The following STK39 variants were observed in gnomAD, a reference collection of about 807,000 sequenced individuals.
The protein encoded by STK39 is serine/threonine kinase 39, also known as STE20/SPS1-related proline-alanine-rich protein kinase.
In STK39, 20 loss-of-function variants were observed where a neutral mutation model predicts 77.8. That is an observed-to-expected ratio of 0.26 (90% confidence interval 0.18 to 0.37). STK39 has a LOEUF of 0.37. Among genes scored for constraint, STK39 ranks in the 10% least tolerant of loss-of-function variants. The pLI is 1.00. For synonymous variants in STK39, 246 were observed against 234.1 expected, an observed-to-expected ratio of 1.05 and a Z score of -0.47; for missense variants, 479 against 656.5, an observed-to-expected ratio of 0.73 and a Z score of 2.95.
chr2:168,236,017 G>C (rs1574582207), intron 1 of STK39, among the ~76,000 whole-genome samples: 1 of 151,984 alleles, frequency 6.6e-6, no homozygotes, highest in East Asian at 1.9e-4. Flanking sequence ...CTAGATCCCT[G>C]AGGAATCGCC....
At chr2:168,177,863 T>C (rs1688991893) in intron 2 of STK39, among the ~76,000 whole-genome samples, 1 of 152,172 alleles carries the variant, frequency 6.6e-6, no homozygotes, top group South Asian at 2.1e-4. Context: ...AGGGAATACA[T>C]ATTAGACAAA....
intron 1 of STK39, among the ~76,000 whole-genome samples, chr2:168,203,466 A>C (rs1418886695): frequency 6.6e-6 from 1 of 152,212 alleles, no homozygotes; most frequent in African/African-American, 2.4e-5. Context: ...AAAGAAAAAA[A>C]AAACAGGATC....
At chr2:168,178,954 C>T (rs375600801) in intron 2 of STK39, among the ~76,000 whole-genome samples, 7 of 152,112 alleles carry the variant, frequency 4.6e-5, no homozygotes, top group South Asian at 2.1e-4. Flanking sequence ...GGGGACAGGA[C>T]GGGGATAGGT....
At chr2:168,073,016 C>T (rs752590035) in intron 12 of STK39, among the ~76,000 whole-genome samples, 2 of 152,174 alleles carry the variant, frequency 1.3e-5, no homozygotes, top group Non-Finnish European at 2.9e-5. Flanking sequence ...AATTATAAAT[C>T]AATATGTTAA....
chr2:168,005,743 G>A (rs1025480253), intron 16 of STK39, among the ~76,000 whole-genome samples: 1 of 152,162 alleles, frequency 6.6e-6, no homozygotes, highest in Non-Finnish European at 1.5e-5. Flanking sequence ...TTCTAGACAA[G>A]GAAAAGCTGT....
At chr2:168,015,903 T>C (rs1052326097) in intron 15 of STK39, among the ~76,000 whole-genome samples, 4 of 152,122 alleles carry the variant, frequency 2.6e-5, no homozygotes, top group Admixed American at 2.6e-4. Flanking sequence ...GAAAGAAAGA[T>C]CAATTAGCAA....
At chr2:167,984,139 G>A (rs964945034) in intron 16 of STK39, among the ~76,000 whole-genome samples, 2 of 152,162 alleles carry the variant, frequency 1.3e-5, no homozygotes, top group Admixed American at 6.5e-5. Flanking sequence ...GTTATTAAAC[G>A]AATTCTTACA....
chr2:168,104,156 T>C (rs991805681), intron 10 of STK39, among the ~76,000 whole-genome samples: 1 of 152,188 alleles, frequency 6.6e-6, no homozygotes, highest in Non-Finnish European at 1.5e-5. Flanking sequence ...AAGAGATGGC[T>C]GAAAGGATGT....
At chr2:167,988,852 C>A (rs1156528793) in intron 16 of STK39, among the ~76,000 whole-genome samples, 1 of 152,192 alleles carries the variant, frequency 6.6e-6, no homozygotes, top group African/African-American at 2.4e-5. Context: ...ACTGAGAAGA[C>A]TGGCAGCTTA....
intron 13 of STK39, 102 bp from the exon 14 acceptor site, chr2:168,063,672 T>C (rs1685721335): frequency 3.6e-6 from 4 of 1,124,742 alleles, no homozygotes; most frequent in African/African-American, 3.2e-5. Flanking sequence ...TTTCTGGAAA[T>C]TTCAAAACTA....
chr2:167,956,716 TC>T (rs1559032367), intron 17 of STK39, among the ~76,000 whole-genome samples: 63 of 56,804 alleles, frequency 1.1e-3, no homozygotes, highest in African/African-American at 2.7e-3. Context: ...TCTCTCTCTC[TC>T]TCTCTCTCTC....
chr2:168,016,402 A>AAG (rs1388852037), intron 15 of STK39, among the ~76,000 whole-genome samples: 5 of 150,948 alleles, frequency 3.3e-5, no homozygotes, highest in Non-Finnish European at 5.9e-5. Context: ...AAAAAAAAAA[A>AAG]AAAAAAAAAA....
chr2:168,045,996 CATTCCCCAG>C (rs999738916), intron 14 of STK39, among the ~76,000 whole-genome samples: 3 of 152,152 alleles, frequency 2.0e-5, no homozygotes, highest in African/African-American at 7.2e-5. Flanking sequence ...GCTGGCATCT[CATTCCCCAG>C]ATCAATACCT....
rs376160308 is a variant in STK39 at position 168,093,963 on chromosome 2, G to A, written c.1090-18732C>T. 3.3e-5 allele frequency among the ~76,000 whole-genome samples: 5 copies of A among 152,236 alleles called. No individual in the cohort carries two copies. The South Asian group carries it at 1.0e-3, about 32-fold the overall frequency. On this transcript the variant is annotated intron_variant, in intron 10 of 17. Coordinates refer to ENST00000355999, the MANE Select transcript of STK39 (RefSeq NM_013233.3). ...CAAACAATTACTCTCCAACACATTT[G>A]CAAGTACTTGCCCATGCTGGTCCCT...
chr2:168,223,282 G>A (rs1028943751), intron 1 of STK39, among the ~76,000 whole-genome samples: 2 of 152,208 alleles, frequency 1.3e-5, no homozygotes, highest in East Asian at 1.9e-4. Context: ...GGCTGAGGTA[G>A]GCAGATCACT....
intron 10 of STK39, among the ~76,000 whole-genome samples, chr2:168,090,065 C>T (rs577744066): frequency 6.6e-6 from 1 of 152,238 alleles, no homozygotes; most frequent in East Asian, 1.9e-4. Context: ...TCCGAGGTAG[C>T]TGAGTTTGTG....
At position 168,138,137 on chromosome 2, in the gene STK39, A is replaced by C; in HGVS notation, c.925T>G (p.Ser309Ala). The C allele has an allele frequency of 6.2e-7, 1 of 1,613,992 alleles. No individual in the cohort carries two copies. The change falls in exon 8 of 18, where the codon TCC (serine) becomes GCC (alanine). Residue 309 changes from serine (S) to alanine (A), a missense_variant. By Grantham distance (99) the Ser-to-Ala change is moderately conservative. This residue lies in a region of STK39 where 244 missense variants were observed against 296.8 expected (regional missense o/e 0.82). Coordinates refer to ENST00000355999, the MANE Select transcript of STK39 (RefSeq NM_013233.3). ...CACAGTGAAAGTAATTTTCTAAAGG[A>C]CTTGCCGTACTTTTTCATCATTTCT... ...DKEMMKKYGKSFRKLLSLCLQ... is the reference protein window; with the variant it reads ...DKEMMKKYGKAFRKLLSLCLQ...
intron 10 of STK39, among the ~76,000 whole-genome samples, chr2:168,123,492 T>C (rs954204825): frequency 2.6e-5 from 4 of 152,146 alleles, no homozygotes; most frequent in Non-Finnish European, 5.9e-5. Flanking sequence ...TGTTTCAAAA[T>C]AAAGAGTAAG....
chr2:168,073,427 T>G (rs959958616), intron 12 of STK39, among the ~76,000 whole-genome samples: 3 of 152,184 alleles, frequency 2.0e-5, no homozygotes, highest in African/African-American at 7.2e-5. Flanking sequence ...ACACTTTTAG[T>G]AAGAAATACT....
Sources: allele counts gnomAD v4.1 joint callset (sites outside exome capture counted in the v4.1 genomes callset), GRCh38; gene constraint gnomAD v4.1.1; regional missense constraint gnomAD v4.1.1; transcripts MANE v1.5; gene names NCBI Gene and HGNC (gene_info 2026-07-23, HGNC 2026-07-21).